Variants in CFAP299 observed in about 807,000 individuals in gnomAD.
The protein encoded by CFAP299 is cilia and flagella associated protein 299, also known as cilia- and flagella-associated protein 299.
Under a neutral mutation model 27.0 loss-of-function variants are expected in CFAP299, and 21 were observed. The observed-to-expected ratio is 0.78, with a 90% CI of 0.55 to 1.12. The LOEUF is 1.12. Ranked by LOEUF, CFAP299 falls within the 50% of genes most tolerant of loss-of-function variation. The probability of loss-of-function intolerance (pLI) is 0.00; values close to 1 mark genes in which losing one functional copy is unlikely to be tolerated. For synonymous variants in CFAP299, 104 were observed against 98.1 expected, an observed-to-expected ratio of 1.06 and a Z score of -0.36; for missense variants, 310 against 276.6, an observed-to-expected ratio of 1.12 and a Z score of -0.86.
chr4:80,864,290 C>T (rs1025582400), intron 3 of CFAP299, among the ~76,000 whole-genome samples: 1 of 151,370 alleles, frequency 6.6e-6, no homozygotes, highest in Non-Finnish European at 1.5e-5. Flanking sequence ...TACTGAAATA[C>T]ATCACACTCA....
chr4:80,520,593 T>A (rs1158311550), intron 2 of CFAP299, among the ~76,000 whole-genome samples: 1 of 152,182 alleles, frequency 6.6e-6, no homozygotes, highest in African/African-American at 2.4e-5. Context: ...CCCAATAGCA[T>A]GCAAGTTCCC....
intron 2 of CFAP299, chr4:80,387,488 C>T: frequency 1.2e-6 from 1 of 812,520 alleles, no homozygotes; most frequent in South Asian, 1.5e-5. Flanking sequence ...CTATCGCTGG[C>T]TGTGGGCCAG....
the CFAP299 span, among the ~76,000 whole-genome samples, chr4:80,322,558 G>A: frequency 6.6e-6 from 1 of 151,912 alleles, no homozygotes; most frequent in East Asian, 1.9e-4. Flanking sequence ...AGAGTCAAGG[G>A]GATATAAACA....
intron 3 of CFAP299, chr4:80,790,342 T>C (rs1483788173): frequency 6.6e-6 from 1 of 152,022 alleles, no homozygotes; most frequent in African/African-American, 2.4e-5. Flanking sequence ...AAAGTCCCTG[T>C]CTTAGTGGTC....
At chr4:80,727,385 C>T (rs1429072902) in intron 3 of CFAP299, among the ~76,000 whole-genome samples, 1 of 151,964 alleles carries the variant, frequency 6.6e-6, no homozygotes, top group Non-Finnish European at 1.5e-5. Context: ...CTTCACTTTA[C>T]TCTTTCAAAA....
At chr4:80,657,607 A>G (rs1008830972) in intron 3 of CFAP299, among the ~76,000 whole-genome samples, 1 of 152,200 alleles carries the variant, frequency 6.6e-6, no homozygotes, top group African/African-American at 2.4e-5. Context: ...TGGTACCAGT[A>G]CCATGCTGTT....
At chr4:80,509,671 A>C (rs1732200968) in intron 2 of CFAP299, among the ~76,000 whole-genome samples, 1 of 152,184 alleles carries the variant, frequency 6.6e-6, no homozygotes, top group African/African-American at 2.4e-5. Context: ...GGGAAATATA[A>C]TTATTATTTC....
chr4:80,810,468 A>G (rs1729091010), intron 3 of CFAP299, among the ~76,000 whole-genome samples: 1 of 152,052 alleles, frequency 6.6e-6, no homozygotes, highest in African/African-American at 2.4e-5. Context: ...TCTTGAGATG[A>G]AATTATCCTG....
At chr4:80,601,895 T>C (rs999810799) in intron 3 of CFAP299, among the ~76,000 whole-genome samples, 1 of 152,182 alleles carries the variant, frequency 6.6e-6, no homozygotes, top group Non-Finnish European at 1.5e-5. Context: ...ATACTGTGCA[T>C]CCACAAAAAG....
rs549070914 is a variant in CFAP299 at position 80,791,487 on chromosome 4, T to C, written c.334-78506T>C. On this transcript the variant is annotated intron_variant, in intron 3 of 5. Transcript: ENST00000358105. ...ATAGGAGGCCCTTAATAAGGTATAT[T>C]AGCAATTATAGCAATTGTTGAGATA... Among the ~76,000 whole-genome samples the C allele has an allele frequency of 5.9e-5, 9 of 152,184 alleles. No homozygotes were observed. In the East Asian group the frequency reaches 1.4e-3, roughly 23 times the overall value.
intron 2 of CFAP299, among the ~76,000 whole-genome samples, chr4:80,433,530 G>C (rs944290741): frequency 2.0e-5 from 3 of 152,088 alleles, no homozygotes; most frequent in African/African-American, 7.2e-5. Context: ...TAAAAGCACA[G>C]ATGGCTTTAA....
intron 3 of CFAP299, among the ~76,000 whole-genome samples, chr4:80,679,067 A>ACC (rs971291462): frequency 9.9e-5 from 15 of 152,008 alleles, no homozygotes; most frequent in African/African-American, 3.6e-4. Context: ...ACACTCCCTC[A>ACC]CCCACTTCTC....
At chr4:80,781,007 A>G (rs1395357795) in intron 3 of CFAP299, among the ~76,000 whole-genome samples, 1 of 151,964 alleles carries the variant, frequency 6.6e-6, no homozygotes, top group Non-Finnish European at 1.5e-5. Context: ...TTATATACAT[A>G]ATTATATGCT....
At position 80,342,180 on chromosome 4, in the gene CFAP299, A is replaced by C. The variant is rs530464727; in HGVS notation, c.111+6301A>C. Among the ~76,000 whole-genome samples the C allele has an allele frequency of 2.6e-5, 4 of 152,358 alleles. No homozygotes were observed. The South Asian group carries it at 8.3e-4, about 32-fold the overall frequency. Reference sequence around the variant, plus strand: ...AATATGAGACTATGTAAAAAGACTGAACCTACGACTGATTGGGGTACCTGA... The same window carrying C: ...AATATGAGACTATGTAAAAAGACTGCACCTACGACTGATTGGGGTACCTGA... On this transcript the variant is annotated intron_variant, in intron 1 of 5. Transcript: ENST00000358105.
At chr4:80,433,557 G>A (rs1321246429) in intron 2 of CFAP299, among the ~76,000 whole-genome samples, 2 of 152,044 alleles carry the variant, frequency 1.3e-5, no homozygotes, top group Non-Finnish European at 2.9e-5. Flanking sequence ...TAAATAAATA[G>A]TTCACTTGGT....
chr4:80,936,223 C>T (rs183481695), intron 4 of CFAP299, among the ~76,000 whole-genome samples: 171 of 152,204 alleles, frequency 1.1e-3, no homozygotes, highest in African/African-American at 3.9e-3. Flanking sequence ...TTGTGGAAAA[C>T]AGCGTGCTGA....
chr4:80,870,602 A>G, intron 4 of CFAP299: 6 of 986,082 alleles, frequency 6.1e-6, no homozygotes, highest in Non-Finnish European at 7.2e-6. Flanking sequence ...TCTTTTTACT[A>G]CCAATGCTTG....
chr4:80,335,906 C>T (rs1201822378), intron 1 of CFAP299, 27 bp downstream of exon 1: 2 of 1,380,368 alleles, frequency 1.4e-6, no homozygotes, highest in Admixed American at 1.7e-5. Context: ...GCAGAGTAGC[C>T]GCCGCCGCGC....
intron 3 of CFAP299, among the ~76,000 whole-genome samples, chr4:80,708,572 T>C (rs751388669): frequency 3.9e-5 from 6 of 152,138 alleles, no homozygotes; most frequent in Non-Finnish European, 5.9e-5. Context: ...TATTTTAAGC[T>C]AGTGTTAAAA....
Sources: gnomAD v4.1 joint callset for allele counts (sites outside exome capture counted in the v4.1 genomes callset) on GRCh38, gnomAD v4.1.1 for gene constraint, MANE v1.5 for transcripts, NCBI Gene and HGNC (gene_info 2026-07-23, HGNC 2026-07-21) for gene names.